The following MLF1 variants were observed in gnomAD, a reference collection of about 807,000 sequenced individuals.
MLF1 encodes the protein myelodysplasia-myeloid leukemia factor 1.
In MLF1, 37 loss-of-function variants were observed where a neutral mutation model predicts 38.3. The observed-to-expected ratio is 0.96, with a 90% CI of 0.74 to 1.27. The LOEUF is 1.27. Ranked by LOEUF, MLF1 falls within the 50% of genes most tolerant of loss-of-function variation. The pLI is 0.00. For missense variants in MLF1, 331 were observed against 349.2 expected, an observed-to-expected ratio of 0.95 and a Z score of 0.42; for synonymous variants, 95 against 106.5, an observed-to-expected ratio of 0.89 and a Z score of 0.66.
intron 1 of MLF1, among the ~76,000 whole-genome samples, chr3:158,588,318 C>T (rs1275764380): frequency 1.3e-5 from 2 of 152,210 alleles, no homozygotes; most frequent in African/African-American, 4.8e-5. Context: ...GAAATTGTGA[C>T]ATAACAAATG....
intron 1 of MLF1, among the ~76,000 whole-genome samples, chr3:158,574,617 G>A (rs1267056754): frequency 6.6e-6 from 1 of 150,518 alleles, no homozygotes; most frequent in African/African-American, 2.5e-5. Context: ...CCAGGAGGTG[G>A]AGGTTGCAGT....
intron 5 of MLF1, among the ~76,000 whole-genome samples, chr3:158,599,609 G>A (rs1719440200): frequency 6.6e-6 from 1 of 152,122 alleles, no homozygotes; most frequent in Non-Finnish European, 1.5e-5. Context: ...TACTTCCATA[G>A]AGTTGATAGT....
intron 1 of MLF1, among the ~76,000 whole-genome samples, chr3:158,577,334 G>A (rs978148496): frequency 6.6e-6 from 1 of 152,124 alleles, no homozygotes; most frequent in African/African-American, 2.4e-5. Context: ...AGTATTCAAG[G>A]TTACTACTTA....
At chr3:158,578,505 A>AACACAC (rs112630390) in intron 1 of MLF1, among the ~76,000 whole-genome samples, 9 of 147,284 alleles carry the variant, frequency 6.1e-5, no homozygotes, top group African/African-American at 2.2e-4. Context: ...CATACATACA[A>AACACAC]ACACACACAC....
intron 7 of MLF1, among the ~76,000 whole-genome samples, chr3:158,604,568 T>G (rs1256807136): frequency 6.6e-6 from 1 of 152,228 alleles, no homozygotes; most frequent in Non-Finnish European, 1.5e-5. Flanking sequence ...GTTTAAACTA[T>G]AAACAGTTAA....
At chr3:158,593,301 C>T in intron 2 of MLF1, 81 bp from the exon 3 acceptor site, 6 of 1,095,422 alleles carry the variant, frequency 5.5e-6, no homozygotes, top group Non-Finnish European at 7.7e-6. Context: ...ATTTGAAATT[C>T]AGTAAACATT....
At chr3:158,602,267 C>T (rs948087974) in intron 6 of MLF1, among the ~76,000 whole-genome samples, 4 of 152,050 alleles carry the variant, frequency 2.6e-5, no homozygotes, top group Non-Finnish European at 5.9e-5. Context: ...AGTGAAGGAA[C>T]ATAATATTTT....
At chr3:158,584,819 A>T (rs1179195617) in intron 1 of MLF1, among the ~76,000 whole-genome samples, 1 of 151,924 alleles carries the variant, frequency 6.6e-6, no homozygotes, top group East Asian at 1.9e-4. Context: ...CGTAAAATAC[A>T]CTAATACTAG....
intron 1 of MLF1, among the ~76,000 whole-genome samples, chr3:158,588,173 A>G (rs1717541048): frequency 6.6e-6 from 1 of 152,154 alleles, no homozygotes; most frequent in African/African-American, 2.4e-5. Flanking sequence ...AGCTGTGTGA[A>G]GGAACTTGGA....
In MLF1 at chr3:158,596,954, TA is replaced by T; in HGVS notation, c.324+14del. The T allele has an allele frequency of 6.5e-7, 1 of 1,541,162 alleles. No individual in the cohort carries two copies. Among genetic ancestry groups the T allele is most frequent in the South Asian group, 1.1e-5 (1 of 87,964 alleles). On this transcript the variant is annotated intron_variant, in intron 4 of 7. Transcript: ENST00000466246. ...AATTAGAAAGAAACTTCGTAAGTAC[TA>T]AAAACAAAGCATTGAGAACATTGTG...
chr3:158,591,939 C>T (rs990153283), intron 1 of MLF1, among the ~76,000 whole-genome samples: 4 of 152,016 alleles, frequency 2.6e-5, no homozygotes, highest in Admixed American at 6.6e-5. Context: ...CTCAACTTAA[C>T]GATAAGATTA....
At chr3:158,597,585 T>C (rs1412042313) in intron 4 of MLF1, among the ~76,000 whole-genome samples, 2 of 152,166 alleles carry the variant, frequency 1.3e-5, no homozygotes, top group African/African-American at 4.8e-5. Flanking sequence ...ATGGATCATT[T>C]CAGAATGCCC....
chr3:158,580,670 A>T (rs1402058554), intron 1 of MLF1, among the ~76,000 whole-genome samples: 1 of 151,874 alleles, frequency 6.6e-6, no homozygotes, highest in Non-Finnish European at 1.5e-5. Flanking sequence ...AGAATCTGGT[A>T]TGTGGCTGGG....
At chr3:158,601,250 T>C (rs1389872938) in intron 6 of MLF1, among the ~76,000 whole-genome samples, 1 of 151,776 alleles carries the variant, frequency 6.6e-6, no homozygotes, top group Non-Finnish European at 1.5e-5. Context: ...CTGGCCAACA[T>C]GGTGAAACCC....
rs2108658463 is a variant in MLF1, at chr3:158,602,873, A to G, written c.680A>G (p.Asn227Ser). The change falls in exon 7 of 8, where the codon AAT becomes AGT. Residue 227 changes from asparagine (N) to serine (S), a missense_variant. Coordinates refer to ENST00000466246, the MANE Select transcript of MLF1 (RefSeq NM_001369783.1). ...TTGAAGTACAAACCAGGACGACACA[A>G]TCTAGGAAACACTAGAATGAGAAGT... ...EVLKYKPGRH[N>S]LGNTRMRSVG... The G allele has an allele frequency of 6.2e-7, 1 of 1,613,880 alleles. No individual in the cohort carries two copies. Among genetic ancestry groups the G allele is most frequent in the Non-Finnish European group, 8.5e-7 (1 of 1,179,864 alleles).
intron 2 of MLF1, 27 bp from the exon 3 acceptor site, chr3:158,593,355 C>A: frequency 4.0e-6 from 6 of 1,513,658 alleles, no homozygotes; most frequent in Admixed American, 2.0e-5. Flanking sequence ...ATGTCATAAT[C>A]AAATGAATTG....
At position 158,582,957 on chromosome 3, in the gene MLF1, T is replaced by C. The variant is rs143542951; in HGVS notation, c.48-9477T>C. 476 of 662,780 alleles carry C rather than the reference T, an allele frequency of 7.2e-4. 4 individuals carry two copies. In the African/African-American group the frequency reaches 7.7e-3, roughly 11 times the overall value. The allele number at this position is 662,780 out of a possible 1,614,324, so 41.1% of individuals were successfully genotyped here. The stretch of plus-strand genomic sequence containing the variant: ...AAAATAAACACATTTATTTTTCTTA[T>C]TCTTAATGGATCTGATAGATAACAG... On this transcript the variant is annotated intron_variant, in intron 1 of 7. Coordinates refer to ENST00000466246, the MANE Select transcript of MLF1 (RefSeq NM_001369783.1).
chr3:158,597,781 C>T (rs902415701), intron 4 of MLF1, among the ~76,000 whole-genome samples: 2 of 152,212 alleles, frequency 1.3e-5, no homozygotes, highest in East Asian at 1.9e-4. Flanking sequence ...ATCTAAGCCA[C>T]GAGCACCCAA....
At chr3:158,576,062 A>T (rs1715372567) in intron 1 of MLF1, among the ~76,000 whole-genome samples, 1 of 152,160 alleles carries the variant, frequency 6.6e-6, no homozygotes, top group Non-Finnish European at 1.5e-5. Context: ...GTAGTTTTGA[A>T]TTCAAATATA....
Sources: gnomAD v4.1 joint callset for allele counts (sites outside exome capture counted in the v4.1 genomes callset) on GRCh38, gnomAD v4.1.1 for gene constraint, MANE v1.5 for transcripts, NCBI Gene and HGNC (gene_info 2026-07-23, HGNC 2026-07-21) for gene names.